Variants in CHCHD6 observed in about 807,000 individuals in gnomAD.
CHCHD6 encodes the protein MICOS complex subunit MIC25.
A neutral mutation model predicts 32.3 loss-of-function variants in CHCHD6; 28 were observed. The observed-to-expected ratio is 0.87, with a 90% CI of 0.64 to 1.19. The LOEUF (loss-of-function observed/expected upper bound fraction) is 1.19, where lower values mean the gene tolerates loss of function less well. CHCHD6 is among the 50% of genes most tolerant of loss of function. The pLI is 0.00. For synonymous variants in CHCHD6, 122 were observed against 117.5 expected, an observed-to-expected ratio of 1.04 and a Z score of -0.25; for missense variants, 333 against 307.0, an observed-to-expected ratio of 1.08 and a Z score of -0.63.
chr3:126,869,740 T>C (rs2077440249), intron 5 of CHCHD6, among the ~76,000 whole-genome samples: 1 of 152,206 alleles, frequency 6.6e-6, no homozygotes, highest in South Asian at 2.1e-4. Flanking sequence ...AGATACTACT[T>C]TTGGCATTTA....
At chr3:126,747,864 C>T (rs954529752) in intron 4 of CHCHD6, among the ~76,000 whole-genome samples, 16 of 152,238 alleles carry the variant, frequency 1.1e-4, no homozygotes, top group East Asian at 3.9e-4. Context: ...TCCTGGGGGC[C>T]GCTAGAGGCT....
chr3:126,818,725 G>A (rs1272347901), intron 4 of CHCHD6, among the ~76,000 whole-genome samples: 1 of 152,220 alleles, frequency 6.6e-6, no homozygotes, highest in Non-Finnish European at 1.5e-5. Context: ...TTTCTCAGCA[G>A]GGGATCATCA....
At chr3:126,950,638 A>T (rs2078702924) in intron 6 of CHCHD6, among the ~76,000 whole-genome samples, 1 of 152,140 alleles carries the variant, frequency 6.6e-6, no homozygotes, top group Admixed American at 6.5e-5. Flanking sequence ...TTTAGTAGAG[A>T]TGAGGTTTCA....
At chr3:126,780,787 C>CGATA (rs1937898448) in intron 4 of CHCHD6, among the ~76,000 whole-genome samples, 1 of 152,204 alleles carries the variant, frequency 6.6e-6, no homozygotes, top group African/African-American at 2.4e-5. Context: ...GAACACCCAA[C>CGATA]TATCAGAGGC....
At chr3:126,925,208 G>C (rs1375289429) in intron 6 of CHCHD6, among the ~76,000 whole-genome samples, 1 of 152,212 alleles carries the variant, frequency 6.6e-6, no homozygotes, top group African/African-American at 2.4e-5. Context: ...GGGCTGTGCT[G>C]TGCAGGCAGG....
intron 4 of CHCHD6, among the ~76,000 whole-genome samples, chr3:126,823,833 G>C (rs1553742942): frequency 6.6e-6 from 1 of 152,108 alleles, no homozygotes; most frequent in Admixed American, 6.6e-5. Flanking sequence ...GATTGCTTGA[G>C]CCCAGGAGTT....
chr3:126,899,884 A>G (rs1377667855), intron 5 of CHCHD6, among the ~76,000 whole-genome samples: 1 of 152,206 alleles, frequency 6.6e-6, no homozygotes, highest in Non-Finnish European at 1.5e-5. Flanking sequence ...TGATTTGTAC[A>G]GCACCACTGG....
chr3:126,776,844 T>C (rs1413326353), intron 4 of CHCHD6, among the ~76,000 whole-genome samples: 1 of 152,176 alleles, frequency 6.6e-6, no homozygotes, highest in East Asian at 1.9e-4. Context: ...TGTCTTAGAT[T>C]CAATTACATA....
chr3:126,764,200 CATATATATATAT>C (rs143293559), intron 4 of CHCHD6, among the ~76,000 whole-genome samples: 2 of 139,816 alleles, frequency 1.4e-5, no homozygotes, highest in East Asian at 4.1e-4. Flanking sequence ...TACATACATG[CATATATATATAT>C]ATATATATAT....
At chr3:126,892,950 GTTGTTGTTTTGTT>G (rs1304798474) in intron 5 of CHCHD6, among the ~76,000 whole-genome samples, 1 of 151,074 alleles carries the variant, frequency 6.6e-6, no homozygotes, top group African/African-American at 2.4e-5. Flanking sequence ...TTTTGTTGTT[GTTGTTGTTTTGTT>G]TTGTTTTGTT....
At chr3:126,910,398 C>T (rs568394137) in intron 5 of CHCHD6, among the ~76,000 whole-genome samples, 1 of 152,206 alleles carries the variant, frequency 6.6e-6, no homozygotes, top group African/African-American at 2.4e-5. Context: ...TGGCATCCTC[C>T]ACGTCCCCTC....
intron 4 of CHCHD6, among the ~76,000 whole-genome samples, chr3:126,749,890 A>G (rs1019754534): frequency 1.3e-5 from 2 of 152,178 alleles, no homozygotes; most frequent in Non-Finnish European, 2.9e-5. Flanking sequence ...AAAGCTCCAT[A>G]CCAAAGAATG....
intron 4 of CHCHD6, among the ~76,000 whole-genome samples, chr3:126,798,563 C>T (rs1938907988): frequency 6.6e-6 from 1 of 151,982 alleles, no homozygotes; most frequent in Non-Finnish European, 1.5e-5. Flanking sequence ...ATCCTCTCGG[C>T]TCCCCGATGG....
chr3:126,846,198 G>A (rs1941289804), intron 4 of CHCHD6, among the ~76,000 whole-genome samples: 1 of 152,144 alleles, frequency 6.6e-6, no homozygotes, highest in Non-Finnish European at 1.5e-5. Flanking sequence ...CCCTGAAAGA[G>A]ACCCCACTTA....
At chr3:126,918,502 CACA>C (rs1444729214) in intron 6 of CHCHD6, among the ~76,000 whole-genome samples, 1 of 152,156 alleles carries the variant, frequency 6.6e-6, no homozygotes, top group Non-Finnish European at 1.5e-5. Flanking sequence ...AAATTAATTG[CACA>C]ACAAGCAGTT....
At chr3:126,861,521 C>A (rs1308281727) in intron 5 of CHCHD6, among the ~76,000 whole-genome samples, 1 of 151,742 alleles carries the variant, frequency 6.6e-6, no homozygotes, top group Non-Finnish European at 1.5e-5. Flanking sequence ...GCCACCGCCA[C>A]CACTACCAAC....
intron 1 of CHCHD6, among the ~76,000 whole-genome samples, chr3:126,711,284 G>T (rs763709649): frequency 3.9e-5 from 6 of 152,198 alleles, no homozygotes; most frequent in Non-Finnish European, 8.8e-5. Context: ...AGCTGTGCAT[G>T]AGAATCTTAT....
At chr3:126,955,870 C>T (rs1483507315) in intron 6 of CHCHD6, among the ~76,000 whole-genome samples, 1 of 152,138 alleles carries the variant, frequency 6.6e-6, no homozygotes, top group Non-Finnish European at 1.5e-5. Context: ...TCCCTTTGAC[C>T]TCTGCTGCAG....
chr3:126,831,397 G>A (rs951246755), intron 4 of CHCHD6, among the ~76,000 whole-genome samples: 1 of 152,130 alleles, frequency 6.6e-6, no homozygotes, highest in Non-Finnish European at 1.5e-5. Flanking sequence ...GCAGTGTTGG[G>A]CAAGCTTGCC....
Sources: allele counts gnomAD v4.1 joint callset (sites outside exome capture counted in the v4.1 genomes callset), GRCh38; gene constraint gnomAD v4.1.1; transcripts MANE v1.5; gene names NCBI Gene and HGNC (gene_info 2026-07-23, HGNC 2026-07-21).